BCAR3: variants seen among roughly 807,000 people sequenced by gnomAD.
The protein encoded by BCAR3 is BCAR3 adaptor protein, NSP family member.
BCAR3 carries 37 observed loss-of-function variants against 80.1 expected under a neutral mutation model. The ratio of observed to expected loss-of-function variants is 0.46; its 90% CI spans 0.36 to 0.61. The LOEUF is 0.61. Ranked by LOEUF, BCAR3 falls within the 20% of genes least tolerant of loss-of-function variation. The pLI is 0.00. For synonymous variants in BCAR3, 389 were observed against 418.9 expected, an observed-to-expected ratio of 0.93 and a Z score of 0.87; for missense variants, 978 against 1,068.2, an observed-to-expected ratio of 0.92 and a Z score of 1.18.
At chr1:93,689,957 T>G (rs899684205) in intron 3 of BCAR3, among the ~76,000 whole-genome samples, 5 of 152,234 alleles carry the variant, frequency 3.3e-5, no homozygotes, top group Admixed American at 1.3e-4. Context: ...GGGTTCACTT[T>G]CCTGTACATA....
intron 5 of BCAR3, 62 bp from the exon 6 acceptor site, chr1:93,584,183 C>A: frequency 6.8e-7 from 1 of 1,461,298 alleles, no homozygotes; most frequent in Non-Finnish European, 9.4e-7. Context: ...AACTTTTAGG[C>A]AATGCCATGG....
At chr1:93,570,297 C>G (rs548340954) in intron 9 of BCAR3, among the ~76,000 whole-genome samples, 1 of 152,272 alleles carries the variant, frequency 6.6e-6, no homozygotes, top group African/African-American at 2.4e-5. Flanking sequence ...CAGTGAGTAC[C>G]TGGCAGGATT....
intron 4 of BCAR3, chr1:93,590,230 G>A (rs963325853): frequency 6.6e-6 from 1 of 152,316 alleles, no homozygotes; most frequent in South Asian, 2.1e-4. Context: ...TAGTTAACAA[G>A]CATGATGCTG....
intron 11 of BCAR3, among the ~76,000 whole-genome samples, chr1:93,566,449 G>T (rs976446088): frequency 6.6e-6 from 1 of 152,114 alleles, no homozygotes; most frequent in Non-Finnish European, 1.5e-5. Context: ...CATCCAGTTA[G>T]CACGGTGCCG....
At chr1:93,564,716 C>G (rs1672868797) in intron 11 of BCAR3, among the ~76,000 whole-genome samples, 1 of 152,192 alleles carries the variant, frequency 6.6e-6, no homozygotes, top group Non-Finnish European at 1.5e-5. Flanking sequence ...GATCGAGATT[C>G]ACTTTTTTGC....
At chr1:93,678,733 A>C (rs1409153353) in intron 1 of BCAR3, among the ~76,000 whole-genome samples, 1 of 152,160 alleles carries the variant, frequency 6.6e-6, no homozygotes, top group African/African-American at 2.4e-5. Context: ...ATTAGGGTGG[A>C]CTGGGAAGGC....
chr1:93,768,170 G>T (rs1317774222), intron 2 of BCAR3, among the ~76,000 whole-genome samples: 2 of 152,184 alleles, frequency 1.3e-5, no homozygotes, highest in Non-Finnish European at 2.9e-5. Context: ...AGCAACGAAT[G>T]ACCCCATTTG....
At chr1:93,839,040 C>T (rs773525167) in intron 2 of BCAR3, among the ~76,000 whole-genome samples, 8 of 152,094 alleles carry the variant, frequency 5.3e-5, no homozygotes, top group Non-Finnish European at 1.0e-4. Context: ...TGGTGGCTCA[C>T]GCCTGTAATC....
intron 2 of BCAR3, among the ~76,000 whole-genome samples, chr1:93,655,860 C>G (rs1647357457): frequency 6.6e-6 from 1 of 152,114 alleles, no homozygotes; most frequent in African/African-American, 2.4e-5. Context: ...TTCAGACCAA[C>G]AAAAATAGTC....
chr1:93,663,276 T>G (rs968075781), intron 2 of BCAR3, among the ~76,000 whole-genome samples: 4 of 152,186 alleles, frequency 2.6e-5, no homozygotes, highest in Non-Finnish European at 5.9e-5. Context: ...CAATCCTCTT[T>G]TCACTCTGCA....
intron 2 of BCAR3, among the ~76,000 whole-genome samples, chr1:93,648,238 G>C (rs1330042442): frequency 6.6e-6 from 1 of 152,208 alleles, no homozygotes; most frequent in African/African-American, 2.4e-5. Flanking sequence ...CCCTTGAAAT[G>C]TCTGCAATAA....
chr1:93,673,464 C>A (rs893376929), intron 2 of BCAR3, among the ~76,000 whole-genome samples: 3 of 152,192 alleles, frequency 2.0e-5, no homozygotes, highest in Non-Finnish European at 2.9e-5. Flanking sequence ...ATAGGTGCTC[C>A]ATATATAAAT....
At chr1:93,655,023 T>A (rs1012713149) in intron 2 of BCAR3, among the ~76,000 whole-genome samples, 4 of 152,254 alleles carry the variant, frequency 2.6e-5, no homozygotes, top group African/African-American at 9.6e-5. Flanking sequence ...GCTTTGCACA[T>A]GGCAGTTGCC....
chr1:93,624,167 C>A (rs570571117), intron 3 of BCAR3, among the ~76,000 whole-genome samples: 1 of 152,310 alleles, frequency 6.6e-6, no homozygotes, highest in South Asian at 2.1e-4. Context: ...CATTCTCAGC[C>A]CTGCTTATGT....
chr1:93,565,851 A>G (rs1476901175), intron 11 of BCAR3, among the ~76,000 whole-genome samples: 4 of 152,200 alleles, frequency 2.6e-5, no homozygotes, highest in Admixed American at 6.5e-5. Flanking sequence ...CTGCCCCCAC[A>G]TAGTTCTTAA....
chr1:93,750,725 T>C (rs931439345), intron 2 of BCAR3, among the ~76,000 whole-genome samples: 1 of 152,222 alleles, frequency 6.6e-6, no homozygotes, highest in East Asian at 1.9e-4. Context: ...GGAGGCCACG[T>C]GTAGGCCCTC....
intron 2 of BCAR3, among the ~76,000 whole-genome samples, chr1:93,824,703 G>C (rs923411340): frequency 7.5e-6 from 1 of 132,926 alleles, no homozygotes; most frequent in African/African-American, 2.5e-5. Context: ...CAGGCTTCCT[G>C]TCACACTAAC....
chr1:93,743,487 C>T (rs891362020), intron 2 of BCAR3, among the ~76,000 whole-genome samples: 1 of 152,166 alleles, frequency 6.6e-6, no homozygotes, highest in African/African-American at 2.4e-5. Flanking sequence ...AGCATACAGC[C>T]TCTGCATTGG....
intron 8 of BCAR3, among the ~76,000 whole-genome samples, chr1:93,573,140 A>G (rs1487080708): frequency 9.4e-6 from 1 of 106,602 alleles, no homozygotes; most frequent in Admixed American, 9.1e-5. Context: ...TCAGGCCTGT[A>G]ATCCCAGCAC....
Sources: gnomAD v4.1 joint callset for allele counts (sites outside exome capture counted in the v4.1 genomes callset) on GRCh38, gnomAD v4.1.1 for gene constraint, MANE v1.5 for transcripts, NCBI Gene and HGNC (gene_info 2026-07-23, HGNC 2026-07-21) for gene names.